The following UGT3A1 variants were observed in gnomAD, a reference collection of about 807,000 sequenced individuals.
UGT3A1 encodes the protein UDP-glycosyltransferase 3A1.
UGT3A1 carries 40 observed loss-of-function variants against 37.6 expected under a neutral mutation model. The ratio of observed to expected loss-of-function variants is 1.06; its 90% CI spans 0.83 to 1.38. UGT3A1 has a LOEUF of 1.38. Among genes scored for constraint, UGT3A1 ranks in the 40% most tolerant of loss-of-function variants. The pLI, the probability that UGT3A1 is intolerant of heterozygous loss-of-function variation, is 0.00. For synonymous variants in UGT3A1, 256 were observed against 232.3 expected (o/e 1.10, Z -0.93); for missense variants, 642 against 634.2 (o/e 1.01, Z -0.13).
intron 1 of UGT3A1, among the ~76,000 whole-genome samples, chr5:35,990,649 G>C (rs1740907742): frequency 6.6e-6 from 1 of 152,048 alleles, no homozygotes; most frequent in South Asian, 2.1e-4. Context: ...TGAAATACCT[G>C]CCTGCGCCAC....
At chr5:35,986,304 G>T (rs577680042) in intron 2 of UGT3A1, among the ~76,000 whole-genome samples, 3 of 152,164 alleles carry the variant, frequency 2.0e-5, no homozygotes, top group African/African-American at 7.2e-5. Flanking sequence ...ATATGATGCA[G>T]CAATTCCACT....
In UGT3A1 at chr5:35,951,310, C is replaced by T. The variant is rs530958378; in HGVS notation, c.*2892G>A. The T allele has an allele frequency of 6.6e-6, 1 of 152,266 alleles. No individual in the cohort carries two copies. Among genetic ancestry groups the T allele is most frequent in the East Asian group, 1.9e-4 (1 of 5,192 alleles). 9.4% of individuals were successfully genotyped at this position (152,266 alleles called of 1,614,324 possible). On this transcript the variant is annotated 3_prime_UTR_variant, in exon 7 of 7. Transcript: ENST00000274278. ...CCACCCTCATAGATAATCTATCACA[C>T]TCTGGTTTATTCCCTCTGCACTGTT...
upstream of UGT3A1, among the ~76,000 whole-genome samples, chr5:35,992,825 G>A (rs946653343): frequency 1.3e-4 from 20 of 152,186 alleles, no homozygotes; most frequent in Middle Eastern, 3.4e-3. Context: ...TATTATGAAA[G>A]GAAATTAAAT....
intron 2 of UGT3A1, among the ~76,000 whole-genome samples, chr5:35,996,780 A>C (rs1741106329): frequency 6.6e-6 from 1 of 152,244 alleles, no homozygotes; most frequent in African/African-American, 2.4e-5. Flanking sequence ...AGTGGAGCAG[A>C]GAAGGAAATA....
At chr5:35,961,378 C>G (rs1252167372) in intron 4 of UGT3A1, 1 of 152,228 alleles carries the variant, frequency 6.6e-6, no homozygotes, top group African/African-American at 2.4e-5. Context: ...TTGATGGCCT[C>G]TAAGTGAGAG....
At chr5:35,996,061 G>T (rs1741088673), upstream of UGT3A1, among the ~76,000 whole-genome samples, 1 of 150,478 alleles carries the variant, frequency 6.6e-6, no homozygotes, top group Admixed American at 6.6e-5. Context: ...GATTGCCCAG[G>T]TTATGCATTT....
intron 2 of UGT3A1, among the ~76,000 whole-genome samples, chr5:35,971,081 G>T (rs550274260): frequency 5.9e-5 from 9 of 152,178 alleles, no homozygotes; most frequent in Admixed American, 2.0e-4. Flanking sequence ...ACCTGTAACT[G>T]GATGACTGTG....
chr5:35,971,874 A>C (rs1422744882), intron 2 of UGT3A1, among the ~76,000 whole-genome samples: 2 of 152,138 alleles, frequency 1.3e-5, no homozygotes, highest in African/African-American at 4.8e-5. Flanking sequence ...CTTGTGAAGC[A>C]TGAGCTCGAC....
At chr5:35,957,877 T>G (rs546669703) in intron 4 of UGT3A1, among the ~76,000 whole-genome samples, 2 of 152,342 alleles carry the variant, frequency 1.3e-5, no homozygotes, top group African/African-American at 4.8e-5. Context: ...AAATTTCTAT[T>G]AGGTCCAGTT....
intron 4 of UGT3A1, among the ~76,000 whole-genome samples, chr5:35,957,962 G>C (rs558822652): frequency 3.0e-4 from 46 of 152,070 alleles, no homozygotes; most frequent in African/African-American, 1.1e-3. Context: ...TACTAAAAAT[G>C]GGGTATCGAA....
intron 2 of UGT3A1, among the ~76,000 whole-genome samples, chr5:35,969,882 A>G (rs944573352): frequency 1.3e-5 from 2 of 152,204 alleles, no homozygotes; most frequent in African/African-American, 4.8e-5. Context: ...TTGGTACTAA[A>G]TACCTGTATT....
intron 1 of UGT3A1, among the ~76,000 whole-genome samples, chr5:36,000,355 A>G (rs1172168072): frequency 6.6e-6 from 1 of 152,262 alleles, no homozygotes; most frequent in Non-Finnish European, 1.5e-5. Flanking sequence ...TTCCTTTTAC[A>G]GTGTGCTCCC....
At chr5:35,969,294 G>T (rs1445210783) in intron 2 of UGT3A1, among the ~76,000 whole-genome samples, 2 of 152,132 alleles carry the variant, frequency 1.3e-5, no homozygotes, top group Non-Finnish European at 2.9e-5. Flanking sequence ...AAATGCTCCA[G>T]ATGAACAGAA....
intron 4 of UGT3A1, among the ~76,000 whole-genome samples, chr5:35,958,680 C>A (rs993112179): frequency 1.3e-5 from 2 of 152,206 alleles, no homozygotes; most frequent in African/African-American, 2.4e-5. Context: ...AATGCCCAAT[C>A]AAGAAAAAGC....
At chr5:35,966,361 T>A (rs1177327977) in intron 3 of UGT3A1, among the ~76,000 whole-genome samples, 1 of 152,216 alleles carries the variant, frequency 6.6e-6, no homozygotes, top group Non-Finnish European at 1.5e-5. Context: ...GTAGTCTTTT[T>A]AAAAATACTG....
chr5:35,965,533 G>A lies in UGT3A1; in HGVS notation c.696C>T (p.Gly232=). 6.2e-7 allele frequency: 1 copy of A among 1,614,220 alleles called. No homozygotes were observed. Among genetic ancestry groups the A allele is most frequent in the Non-Finnish European group, 8.5e-7 (1 of 1,180,034 alleles). ...DNTIKEHFPE[G]SRPVLSHLLL... ...GAAGATGAGACAAAACTGGCCTAGA[G>A]CCTTCTGGGAAATGCTCCTTGATGG... Residue 232 remains glycine (G), a synonymous_variant, in exon 4 of 7, where the codon GGC becomes GGT. Transcript: ENST00000274278.
intron 2 of UGT3A1, 87 bp downstream of exon 2, chr5:35,988,363 G>T: frequency 1.1e-6 from 1 of 950,648 alleles, no homozygotes; most frequent in Non-Finnish European, 1.5e-6. Context: ...ATTCAAAGAA[G>T]TTTTTACTAT....
Position 35,989,511 on chromosome 5 carries a change from A to C in UGT3A1, c.95-960T>G, listed in dbSNP as rs182824885. ...TGTCTGAATGACTCACTCTACTTAT[A>C]CTCAGACTTGAATAGTCTAAAGCAA... On this transcript the variant is annotated intron_variant, in intron 1 of 6. Transcript: ENST00000274278. 3.9e-5 allele frequency among the ~76,000 whole-genome samples: 6 copies of C among 152,318 alleles called. No individual in the cohort carries two copies. In the East Asian group the frequency reaches 1.2e-3, roughly 29 times the overall value.
At chr5:35,990,165 T>C (rs2111555978) in intron 1 of UGT3A1, among the ~76,000 whole-genome samples, 1 of 152,062 alleles carries the variant, frequency 6.6e-6, no homozygotes, top group Admixed American at 6.5e-5. Context: ...GAGCGTGGTC[T>C]TGGGGTAAGA....
Sources: allele counts gnomAD v4.1 joint callset (sites outside exome capture counted in the v4.1 genomes callset), GRCh38; gene constraint gnomAD v4.1.1; transcripts MANE v1.5; gene names NCBI Gene and HGNC (gene_info 2026-07-23, HGNC 2026-07-21).